Variants in SIRPG observed in about 807,000 individuals in gnomAD.
SIRPG encodes the protein signal regulatory protein gamma, also known as signal-regulatory protein gamma.
A neutral mutation model predicts 35.7 loss-of-function variants in SIRPG; 38 were observed. That is an observed-to-expected ratio of 1.06 (90% confidence interval 0.82 to 1.40). SIRPG has a LOEUF of 1.40. SIRPG is among the 40% of genes most tolerant of loss of function. The pLI, the probability that SIRPG is intolerant of heterozygous loss-of-function variation, is 0.00. For synonymous variants in SIRPG, 215 were observed against 190.4 expected, an observed-to-expected ratio of 1.13 and a Z score of -1.06; for missense variants, 519 against 483.0, an observed-to-expected ratio of 1.07 and a Z score of -0.70.
the SIRPG span, chr20:1,670,180 G>A: frequency 2.3e-5 from 6 of 259,060 alleles, no homozygotes; most frequent in Admixed American, 2.0e-4. Context: ...TCACCTGGCA[G>A]GTGACGTTCA....
chr20:1,680,043 G>A, the SIRPG span, among the ~76,000 whole-genome samples: 18 of 152,146 alleles, frequency 1.2e-4, no homozygotes, highest in African/African-American at 3.6e-4. Context: ...TTTGACACAC[G>A]TATTAATGTC....
At chr20:1,673,344 G>T in the SIRPG span, among the ~76,000 whole-genome samples, 1 of 152,074 alleles carries the variant, frequency 6.6e-6, no homozygotes, top group Non-Finnish European at 1.5e-5. Flanking sequence ...CCTAATGTGA[G>T]CCCCTTTATA....
chr20:1,638,981 T>C (rs2091827925), intron 2 of SIRPG, among the ~76,000 whole-genome samples: 1 of 152,232 alleles, frequency 6.6e-6, no homozygotes. Flanking sequence ...TAGTATTCCA[T>C]GGTGTATATG....
At chr20:1,663,646 T>C in the SIRPG span, among the ~76,000 whole-genome samples, 1 of 152,226 alleles carries the variant, frequency 6.6e-6, no homozygotes, top group African/African-American at 2.4e-5. Context: ...CTGTTATACG[T>C]TTATCATCTC....
At chr20:1,670,926 C>A in the SIRPG span, 23 of 334,914 alleles carry the variant, frequency 6.9e-5, no homozygotes, top group Admixed American at 1.0e-4. Context: ...GAGGGTCCCC[C>A]TGTAAAGTGA....
At chr20:1,649,005 G>C (rs772997009) in intron 2 of SIRPG, 47 bp downstream of exon 2, 1 of 1,481,818 alleles carries the variant, frequency 6.7e-7, no homozygotes, top group Non-Finnish European at 9.4e-7. Flanking sequence ...TTACTATTGA[G>C]TTATTGTCAC....
chr20:1,649,625 G>A (rs1781676527), intron 1 of SIRPG, among the ~76,000 whole-genome samples: 1 of 121,678 alleles, frequency 8.2e-6, no homozygotes, highest in Admixed American at 1.1e-4. Context: ...GGCACAGAGA[G>A]GTTCTTTTTT....
At chr20:1,668,203 CTTT>C in the SIRPG span, among the ~76,000 whole-genome samples, 2 of 25,046 alleles carry the variant, frequency 8.0e-5, no homozygotes, top group African/African-American at 2.6e-4. Flanking sequence ...CTTTTCTTTT[CTTT>C]CTTTCTTTCT....
At chr20:1,639,033 G>T (rs1013197229) in intron 2 of SIRPG, among the ~76,000 whole-genome samples, 1 of 152,084 alleles carries the variant, frequency 6.6e-6, no homozygotes, top group African/African-American at 2.4e-5. Flanking sequence ...ATGGGCATTT[G>T]GGTTGGTTTC....
In SIRPG at chr20:1,630,620, T is replaced by C. The variant is rs138159325; in HGVS notation, c.1082-314A>G. On this transcript the variant is annotated intron_variant, in intron 4 of 5. Coordinates refer to ENST00000303415, the MANE Select transcript of SIRPG (RefSeq NM_018556.4). ...CCTCACAAGCCTATGGGAGCAGGGA[T>C]TGTCATTCCATTCTGCTAGGGAAAC... 93 of 284,532 alleles carry C rather than the reference T, an allele frequency of 3.3e-4. 1 individual carries two copies. The highest frequency in any genetic ancestry group is 5.1e-4 in the Non-Finnish European group (77 of 151,898). The allele number at this position is 284,532 out of a possible 1,614,324, so 17.6% of individuals were successfully genotyped here.
the SIRPG span, among the ~76,000 whole-genome samples, chr20:1,686,275 C>T: frequency 2.0e-5 from 3 of 151,956 alleles, no homozygotes; most frequent in African/African-American, 7.2e-5. Flanking sequence ...AGCCCAGGGG[C>T]AGGGATTTCA....
In SIRPG at chr20:1,635,433, A is replaced by G. The variant is rs1251112415; in HGVS notation, c.915T>C (p.Asp305=). 4 of 1,614,088 alleles carry G rather than the reference A, an allele frequency of 2.5e-6. No individual in the cohort carries two copies. The highest frequency in any genetic ancestry group is 3.4e-6 in the Non-Finnish European group (4 of 1,180,018). Reference sequence around the variant, plus strand: ...ACCAGCTTGTCCAGTTGTAGGTACCATCCTTGTTCTCTGTAAGGGTCGAGG... The same window carrying G: ...ACCAGCTTGTCCAGTTGTAGGTACCGTCCTTGTTCTCTGTAAGGGTCGAGG... The part of the protein sequence containing the change: ...ETASTLTENK[D]GTYNWTSWFL... The change falls in exon 4 of 6, where the codon GAT becomes GAC. Residue 305 remains aspartate (D), a synonymous_variant. Transcript: ENST00000303415.
chr20:1,670,566 C>T, the SIRPG span, among the ~76,000 whole-genome samples: 1 of 152,130 alleles, frequency 6.6e-6, no homozygotes, highest in Non-Finnish European at 1.5e-5. Context: ...GGCCTTGGCT[C>T]ATAGTAGGTG....
At chr20:1,630,485 A>G (rs2091741370) in intron 4 of SIRPG, 179 bp from the exon 5 acceptor site, 3 of 573,862 alleles carry the variant, frequency 5.2e-6, no homozygotes, top group Non-Finnish European at 9.2e-6. Flanking sequence ...GAGGCTCCCC[A>G]TTCTCACTCA....
intron 2 of SIRPG, among the ~76,000 whole-genome samples, chr20:1,641,308 G>A (rs1388420507): frequency 2.0e-5 from 3 of 152,046 alleles, no homozygotes; most frequent in African/African-American, 4.8e-5. Context: ...GTCTATTCAG[G>A]GGCTCGATTT....
At chr20:1,673,837 C>T in the SIRPG span, among the ~76,000 whole-genome samples, 1 of 152,148 alleles carries the variant, frequency 6.6e-6, no homozygotes, top group Non-Finnish European at 1.5e-5. Context: ...CAGGGAGGCT[C>T]CTGGGGCTGA....
the SIRPG span, among the ~76,000 whole-genome samples, chr20:1,676,199 T>C: frequency 6.6e-6 from 1 of 152,156 alleles, no homozygotes; most frequent in Admixed American, 6.5e-5. Context: ...TAAGGGTTGT[T>C]AGGAGTCTCG....
the SIRPG span, among the ~76,000 whole-genome samples, chr20:1,685,350 A>G: frequency 6.6e-6 from 1 of 151,930 alleles, no homozygotes; most frequent in Admixed American, 6.5e-5. Flanking sequence ...GGTCTTTAAG[A>G]AGCTATTTAG....
At chr20:1,671,275 A>T in the SIRPG span, 1 of 178,268 alleles carries the variant, frequency 5.6e-6, no homozygotes, top group African/African-American at 2.4e-5. Flanking sequence ...CATGTTAAGA[A>T]CCTTCATGGA....
Sources: gnomAD v4.1 joint callset for allele counts (sites outside exome capture counted in the v4.1 genomes callset) on GRCh38, gnomAD v4.1.1 for gene constraint, MANE v1.5 for transcripts, NCBI Gene and HGNC (gene_info 2026-07-23, HGNC 2026-07-21) for gene names.